The following GPR89A variants were observed in gnomAD, a reference collection of about 807,000 sequenced individuals.
GPR89A encodes the protein G protein-coupled receptor 89A.
A neutral mutation model predicts 52.0 loss-of-function variants in GPR89A; 16 were observed. The observed-to-expected ratio is 0.31, with a 90% CI of 0.21 to 0.47. GPR89A has a LOEUF of 0.47. GPR89A is among the 20% of genes least tolerant of loss of function. The pLI is 1.00. For missense variants in GPR89A, 135 were observed against 449.4 expected, an observed-to-expected ratio of 0.30 and a Z score of 6.33; for synonymous variants, 55 against 150.9, an observed-to-expected ratio of 0.36 and a Z score of 4.66.
intron 1 of GPR89A, among the ~76,000 whole-genome samples, chr1:145,609,099 C>T (rs1401627685): frequency 6.6e-6 from 1 of 152,218 alleles, no homozygotes; most frequent in Non-Finnish European, 1.5e-5. Context: ...GAAGCTCAGA[C>T]TGCCTGTTGA....
intron 1 of GPR89A, among the ~76,000 whole-genome samples, chr1:145,613,403 A>G (rs1445631019): frequency 1.3e-5 from 2 of 151,964 alleles, no homozygotes; most frequent in Non-Finnish European, 2.9e-5. Flanking sequence ...CCCATAACAC[A>G]TTTCTATAAT....
intron 7 of GPR89A, among the ~76,000 whole-genome samples, chr1:145,634,389 C>G (rs1226449646): frequency 6.6e-6 from 1 of 151,346 alleles, no homozygotes; most frequent in Non-Finnish European, 1.5e-5. Flanking sequence ...CCTTATTGTC[C>G]TGAATTTTTT....
chr1:145,658,429 A>G (rs1651959244), intron 10 of GPR89A, among the ~76,000 whole-genome samples: 1 of 150,608 alleles, frequency 6.6e-6, no homozygotes. Context: ...ACAAAGGGAA[A>G]CCCCATTCTT....
intron 1 of GPR89A, among the ~76,000 whole-genome samples, chr1:145,613,970 A>G (rs1553686580): frequency 6.6e-6 from 1 of 152,090 alleles, no homozygotes; most frequent in East Asian, 1.9e-4. Context: ...TATTTTTTGT[A>G]GAGATGGGGT....
At chr1:145,655,753 C>CCTG (rs1553694407) in intron 10 of GPR89A, among the ~76,000 whole-genome samples, 1 of 152,166 alleles carries the variant, frequency 6.6e-6, no homozygotes, top group African/African-American at 2.4e-5. Flanking sequence ...TGGGGGGTCT[C>CCTG]AGTCAGGAGG....
At chr1:145,610,287 G>A (rs1648160465) in intron 1 of GPR89A, among the ~76,000 whole-genome samples, 1 of 152,004 alleles carries the variant, frequency 6.6e-6, no homozygotes, top group South Asian at 2.1e-4. Flanking sequence ...CAGAGGTCAC[G>A]TATTCAATCT....
intron 7 of GPR89A, among the ~76,000 whole-genome samples, chr1:145,643,069 T>C (rs1433291515): frequency 7.2e-6 from 1 of 138,344 alleles, no homozygotes; most frequent in South Asian, 2.4e-4. Context: ...TTTCCTTTTG[T>C]CTGCCTTTGA....
At chr1:145,664,822 C>T (rs1379474353) in intron 11 of GPR89A, among the ~76,000 whole-genome samples, 3 of 151,008 alleles carry the variant, frequency 2.0e-5, no homozygotes, top group Non-Finnish European at 4.4e-5. Flanking sequence ...TTTTGTAATT[C>T]TGAATAACAA....
At chr1:145,664,385 G>A (rs1553696109) in intron 11 of GPR89A, among the ~76,000 whole-genome samples, 1 of 152,138 alleles carries the variant, frequency 6.6e-6, no homozygotes, top group Admixed American at 6.5e-5. Flanking sequence ...GCACTACTGT[G>A]GCCCACATCT....
At chr1:145,632,520 T>G (rs1649950114) in intron 7 of GPR89A, among the ~76,000 whole-genome samples, 1 of 152,192 alleles carries the variant, frequency 6.6e-6, no homozygotes, top group African/African-American at 2.4e-5. Flanking sequence ...TGTGTCCAAC[T>G]CATTTTGCTA....
At chr1:145,648,647 C>G (rs1247027529) in intron 10 of GPR89A, among the ~76,000 whole-genome samples, 1 of 151,674 alleles carries the variant, frequency 6.6e-6, no homozygotes, top group Non-Finnish European at 1.5e-5. Context: ...GCCCAGCTAA[C>G]TTTTTTGTAT....
At chr1:145,609,464 A>G (rs1648098039) in intron 1 of GPR89A, among the ~76,000 whole-genome samples, 2 of 152,192 alleles carry the variant, frequency 1.3e-5, no homozygotes. Flanking sequence ...TAATATTCAA[A>G]TGTATTAATG....
chr1:145,657,630 C>A (rs1651897065), intron 10 of GPR89A, among the ~76,000 whole-genome samples: 1 of 151,966 alleles, frequency 6.6e-6, no homozygotes, highest in Middle Eastern at 3.2e-3. Context: ...GTTTTCTTTG[C>A]AGGAAGATTT....
intron 1 of GPR89A, among the ~76,000 whole-genome samples, chr1:145,614,042 G>A (rs1185688391): frequency 2.0e-5 from 3 of 152,124 alleles, no homozygotes; most frequent in African/African-American, 7.2e-5. Flanking sequence ...CCAAAGTGCT[G>A]GGATTACAGA....
chr1:145,656,811 A>G (rs1329249676), intron 10 of GPR89A, among the ~76,000 whole-genome samples: 4 of 147,064 alleles, frequency 2.7e-5, no homozygotes, highest in Non-Finnish European at 5.9e-5. Context: ...TCTCACCTTT[A>G]TGATGTTAGG....
In GPR89A at chr1:145,608,175, G is replaced by C; in HGVS notation, c.42G>C (p.Gln14His). The C allele has an allele frequency of 4.3e-6, 7 of 1,613,832 alleles. No homozygotes were observed. The change falls in exon 1 of 14, where the codon CAG becomes CAC. Residue 14 changes from glutamine (Q) to histidine (H), a missense_variant and splice_region_variant. Gln to His is a conservative substitution (Grantham distance 24, BLOSUM62 0). This residue lies in a region of GPR89A where 38 missense variants were observed against 40.2 expected (regional missense o/e 0.95). Coordinates refer to ENST00000313835, the MANE Select transcript of GPR89A (RefSeq NM_001097612.2). ...LIDSSIMITSQILFFGFGWLF... is the reference protein window; with the variant it reads ...LIDSSIMITSHILFFGFGWLF... ...ACTCCAGCATCATGATTACCTCCCA[G>C]GTGAGTCACCGCCTCCCGCCCCGAC...
chr1:145,648,978 G>T (rs1443949606), intron 10 of GPR89A, among the ~76,000 whole-genome samples: 1 of 150,868 alleles, frequency 6.6e-6, no homozygotes, highest in Non-Finnish European at 1.5e-5. Flanking sequence ...CTAATTTTTT[G>T]TATTTTTAGT....
chr1:145,668,815 C>G (rs1481928505), intron 12 of GPR89A, among the ~76,000 whole-genome samples: 2 of 152,086 alleles, frequency 1.3e-5, no homozygotes, highest in Non-Finnish European at 2.9e-5. Context: ...TTTTCTGCAT[C>G]TATTGAGATA....
At chr1:145,620,783 T>A (rs868958220) in intron 3 of GPR89A, among the ~76,000 whole-genome samples, 3 of 152,108 alleles carry the variant, frequency 2.0e-5, no homozygotes, top group Non-Finnish European at 4.4e-5. Flanking sequence ...GACTTCCTAT[T>A]CAAATATGTA....
Sources: allele counts gnomAD v4.1 joint callset (sites outside exome capture counted in the v4.1 genomes callset), GRCh38; gene constraint gnomAD v4.1.1; regional missense constraint gnomAD v4.1.1; transcripts MANE v1.5; gene names NCBI Gene and HGNC (gene_info 2026-07-23, HGNC 2026-07-21).